Variants in ZNF385D observed in about 807,000 individuals in gnomAD.
The protein encoded by ZNF385D is zinc finger protein 385D, also known as zinc finger protein 659.
A neutral mutation model predicts 35.8 loss-of-function variants in ZNF385D; 15 were observed. That is an observed-to-expected ratio of 0.42 (90% CI 0.28 to 0.64). The LOEUF is 0.64. ZNF385D is among the 30% of genes least tolerant of loss of function. The pLI is 0.23. For synonymous variants in ZNF385D, 212 were observed against 186.8 expected (o/e 1.13, Z -1.10); for missense variants, 474 against 494.6 (o/e 0.96, Z 0.39).
At chr3:21,639,107 A>G (rs927800891) in intron 2 of ZNF385D, among the ~76,000 whole-genome samples, 2 of 152,102 alleles carry the variant, frequency 1.3e-5, no homozygotes, top group African/African-American at 4.8e-5. Context: ...GGAGCAACCA[A>G]TTATAATTTT....
intron 3 of ZNF385D, among the ~76,000 whole-genome samples, chr3:22,146,392 G>C (rs1361421753): frequency 6.6e-6 from 1 of 152,058 alleles, no homozygotes; most frequent in Non-Finnish European, 1.5e-5. Flanking sequence ...TACAACAGTG[G>C]GTTGTATAGA....
intron 3 of ZNF385D, among the ~76,000 whole-genome samples, chr3:21,952,007 C>T (rs1391818116): frequency 1.3e-5 from 2 of 151,532 alleles, no homozygotes; most frequent in Non-Finnish European, 2.9e-5. Context: ...TCTTCAGGAC[C>T]TAACTGACCC....
intron 3 of ZNF385D, among the ~76,000 whole-genome samples, chr3:22,106,297 C>A (rs1702209307): frequency 6.6e-6 from 1 of 152,104 alleles, no homozygotes; most frequent in Non-Finnish European, 1.5e-5. Flanking sequence ...TTCTACACAA[C>A]ACTTGGATGA....
At chr3:21,988,730 A>C (rs756686525) in intron 3 of ZNF385D, among the ~76,000 whole-genome samples, 8,284 of 151,656 alleles carry the variant, frequency 0.055, 228 homozygotes, top group Middle Eastern at 0.071. Context: ...TTGTTTACCT[A>C]AGCAAGCCTG....
chr3:22,177,931 TGTACA>T (rs1427224656), intron 2 of ZNF385D, among the ~76,000 whole-genome samples: 1 of 152,238 alleles, frequency 6.6e-6, no homozygotes, highest in African/African-American at 2.4e-5. Flanking sequence ...TTTTTATGGC[TGTACA>T]GTATTCCATG....
intron 4 of ZNF385D, among the ~76,000 whole-genome samples, chr3:21,479,031 A>G (rs1575012520): frequency 7.7e-6 from 1 of 130,252 alleles, no homozygotes; most frequent in South Asian, 2.7e-4. Context: ...AAAACCATAT[A>G]TTTCTTGTAA....
rs573357263 is a variant in ZNF385D, at chr3:22,001,563, A to C, written c.325+167254T>G. Reference sequence around the variant, plus strand: ...TTGGGTACTTCAATACTCCACTCTCAGCACTAGACAGAAAATCAACAAAGA... The same window carrying C: ...TTGGGTACTTCAATACTCCACTCTCCGCACTAGACAGAAAATCAACAAAGA... On this transcript the variant is annotated intron_variant, in intron 3 of 5. Coordinates refer to the ZNF385D transcript ENST00000494108. Among the ~76,000 whole-genome samples the C allele has an allele frequency of 5.3e-5, 8 of 152,222 alleles. No individual in the cohort carries two copies. The South Asian group carries it at 1.5e-3, about 28-fold the overall frequency.
chr3:22,011,445 T>A (rs1258939426), intron 3 of ZNF385D, among the ~76,000 whole-genome samples: 1 of 152,072 alleles, frequency 6.6e-6, no homozygotes, highest in Non-Finnish European at 1.5e-5. Flanking sequence ...ACTGATGAGT[T>A]TGGCAGATTA....
intron 2 of ZNF385D, among the ~76,000 whole-genome samples, chr3:22,189,059 G>C (rs1488678296): frequency 6.6e-6 from 1 of 152,024 alleles, no homozygotes; most frequent in African/African-American, 2.4e-5. Flanking sequence ...TCTTCATTAG[G>C]TGTACAATCC....
intron 3 of ZNF385D, among the ~76,000 whole-genome samples, chr3:22,159,508 A>G (rs1705807045): frequency 6.6e-6 from 1 of 152,074 alleles, no homozygotes; most frequent in South Asian, 2.1e-4. Context: ...AGGGTTTCTC[A>G]GGGACAGAGA....
At chr3:22,151,801 A>G (rs1255891442) in intron 3 of ZNF385D, among the ~76,000 whole-genome samples, 2 of 152,186 alleles carry the variant, frequency 1.3e-5, no homozygotes, top group African/African-American at 4.8e-5. Context: ...AACCACCGTG[A>G]GCCCTTTAAC....
intron 2 of ZNF385D, among the ~76,000 whole-genome samples, chr3:21,635,760 C>CT (rs1258697901): frequency 6.6e-6 from 1 of 152,066 alleles, no homozygotes; most frequent in East Asian, 1.9e-4. Context: ...ATTCTTATGC[C>CT]TTTACATTCT....
chr3:22,225,149 T>C (rs768041519), intron 2 of ZNF385D, among the ~76,000 whole-genome samples: 30 of 152,220 alleles, frequency 2.0e-4, no homozygotes, highest in Non-Finnish European at 3.1e-4. Context: ...TTGCTCCCTT[T>C]ACTTCCCTTC....
chr3:21,469,929 T>C (rs1244962731), intron 4 of ZNF385D, among the ~76,000 whole-genome samples: 1 of 116,910 alleles, frequency 8.6e-6, no homozygotes, highest in African/African-American at 3.2e-5. Flanking sequence ...GCAGGTGCTT[T>C]AAGAAAAAAA....
chr3:21,821,750 C>T (rs963791725), intron 3 of ZNF385D, among the ~76,000 whole-genome samples: 3 of 152,016 alleles, frequency 2.0e-5, no homozygotes, highest in Non-Finnish European at 4.4e-5. Flanking sequence ...CATGTCAGCT[C>T]AGGAGTTCGA....
Position 21,736,573 on chromosome 3 carries a change from AC to A in ZNF385D, c.22+14321del, listed in dbSNP as rs767572071. ...GAAGCAGAAGGGTAAAATTTCACTT[AC>A]AAAGTGCGTTCTCCTTGTTGCATTT... On this transcript the variant is annotated intron_variant, in intron 1 of 7. Coordinates refer to ENST00000281523, the MANE Select transcript of ZNF385D (RefSeq NM_024697.3). 1.4e-4 allele frequency among the ~76,000 whole-genome samples: 22 copies of A among 152,352 alleles called. 1 individual carries two copies. In the Middle Eastern group the frequency reaches 0.017, roughly 118 times the overall value.
chr3:21,513,534 A>T (rs1707363417), intron 3 of ZNF385D, among the ~76,000 whole-genome samples: 1 of 152,212 alleles, frequency 6.6e-6, no homozygotes, highest in Non-Finnish European at 1.5e-5. Context: ...CAAATTAAAA[A>T]TAAGTAAATA....
intron 3 of ZNF385D, among the ~76,000 whole-genome samples, chr3:21,773,119 G>C (rs549632346): frequency 6.6e-6 from 1 of 151,922 alleles, no homozygotes; most frequent in Non-Finnish European, 1.5e-5. Flanking sequence ...AAGAGTTAAG[G>C]TGATAAAGGT....
intron 2 of ZNF385D, among the ~76,000 whole-genome samples, chr3:22,194,549 T>C (rs1299033420): frequency 6.6e-6 from 1 of 151,984 alleles, no homozygotes; most frequent in Non-Finnish European, 1.5e-5. Flanking sequence ...TTCACTGTCA[T>C]TTTTGTAAAA....
Sources: gnomAD v4.1 joint callset for allele counts (sites outside exome capture counted in the v4.1 genomes callset) on GRCh38, gnomAD v4.1.1 for gene constraint, MANE v1.5 for transcripts, NCBI Gene and HGNC (gene_info 2026-07-23, HGNC 2026-07-21) for gene names.